Variants in SPDEF observed in about 807,000 individuals in gnomAD.
SPDEF encodes SAM pointed domain containing ETS transcription factor, also known as SAM pointed domain-containing Ets transcription factor.
Under a neutral mutation model 36.0 loss-of-function variants are expected in SPDEF, and 12 were observed. The ratio of observed to expected loss-of-function variants is 0.33; its 90% confidence interval spans 0.21 to 0.54. SPDEF has a LOEUF of 0.54. SPDEF is among the 20% of genes least tolerant of loss of function. The probability of loss-of-function intolerance (pLI) is 0.93; values close to 1 mark genes in which losing one functional copy is unlikely to be tolerated. For synonymous variants in SPDEF, 205 were observed against 193.0 expected, an observed-to-expected ratio of 1.06 and a Z score of -0.51; for missense variants, 388 against 456.9, an observed-to-expected ratio of 0.85 and a Z score of 1.37.
At chr6:34,541,291 G>T in intron 2 of SPDEF, 110 bp from the exon 3 acceptor site, 1 of 1,118,762 alleles carries the variant, frequency 8.9e-7, no homozygotes, top group Non-Finnish European at 1.3e-6. Flanking sequence ...TTGGGGATGG[G>T]GATAGGTCAG....
chr6:34,547,577 G>A (rs1260038267), intron 1 of SPDEF, among the ~76,000 whole-genome samples: 1 of 151,978 alleles, frequency 6.6e-6, no homozygotes, highest in East Asian at 1.9e-4. Flanking sequence ...ATGTTGCCCA[G>A]GCTGGTCTCG....
At position 34,544,537 on chromosome 6, in the gene SPDEF, G is replaced by A. The variant is rs1205034812; in HGVS notation, c.-29-53C>T. Reference sequence around the variant, plus strand: ...TGACTGCTTCTCCATCCCTGTGGGGGCCGCTAAGCTGGTTATGGGGATGAG... The same window carrying A: ...TGACTGCTTCTCCATCCCTGTGGGGACCGCTAAGCTGGTTATGGGGATGAG... On this transcript the variant is annotated intron_variant, in intron 1 of 5. Transcript: ENST00000374037. This position sits in a 1 kb window ranked among gnomAD's most constrained non-coding sequence, Gnocchi z 4.4. The A allele has an allele frequency of 3.6e-6, 5 of 1,385,254 alleles. No homozygotes were observed. Among genetic ancestry groups the A allele is most frequent in the Non-Finnish European group, 2.9e-6 (3 of 1,051,068 alleles). 85.8% of individuals were successfully genotyped at this position (1,385,254 alleles called of 1,614,324 possible). A position where few individuals can be genotyped will look rare whatever the true frequency, so the allele number is the denominator to read the frequency against.
chr6:34,544,287 C>T lies in SPDEF; in HGVS notation c.169G>A (p.Ala57Thr), dbSNP rs2233639. Residue 57 changes from alanine (A) to threonine (T), a missense_variant, in exon 2 of 6, where the codon GCC becomes ACC. Physicochemically the swap from Ala to Thr is moderately conservative, Grantham distance 58. Around this residue, in one of 2 missense-constraint regions of SPDEF, gnomAD observed 308 missense variants for 326.1 expected, o/e 0.94. Transcript: ENST00000374037. The surrounding 1 kb of genome is among the most constrained non-coding windows in gnomAD (Gnocchi z 4.4). ...ATGTCAAAGTAGGAGAGGTAGAAGG[C>T]GGACAGGCCCTGCTCGGGCGTGGCG... Reference protein sequence around the residue: ...PPATPEQGLSAFYLSYFDMLY... With the variant: ...PPATPEQGLSTFYLSYFDMLY... 0.026 allele frequency: 42,254 copies of T among 1,613,152 alleles called. 1,837 individuals carry two copies. Among genetic ancestry groups the T allele is most frequent in the African/African-American group, 0.16 (12,363 of 75,004 alleles).
rs1270455335 is a variant in SPDEF at position 34,538,392 on chromosome 6, C to T, written c.890G>A (p.Arg297His). The change falls in exon 6 of 6, where the codon CGT becomes CAT. Residue 297 changes from arginine to histidine, a missense_variant. Physicochemically the swap from Arg to His is conservative, Grantham distance 29. This residue lies in a region of SPDEF where 80 missense variants were observed against 130.8 expected (regional missense o/e 0.61). Coordinates refer to ENST00000374037, the MANE Select transcript of SPDEF (RefSeq NM_012391.3). The surrounding 1 kb of genome is among the most constrained non-coding windows in gnomAD (Gnocchi z 5.9). Reference sequence around the variant, plus strand: ...CAGCTTGTCGTAGTTCATGGCGGGACGGTTCTTGCGGATGCCCCACAGCCG... The same window carrying T: ...CAGCTTGTCGTAGTTCATGGCGGGATGGTTCTTGCGGATGCCCCACAGCCG... ...VARLWGIRKNRPAMNYDKLSR... is the reference protein window; with the variant it reads ...VARLWGIRKNHPAMNYDKLSR... 5 of 1,614,016 alleles carry T rather than the reference C, an allele frequency of 3.1e-6. No homozygotes were observed. The highest frequency in any genetic ancestry group is 1.7e-5 in the Admixed American group (1 of 60,022).
At position 34,555,639 on chromosome 6, in the gene SPDEF, TCCC is replaced by T. The variant is rs1245876615; in HGVS notation, c.-30+287_-30+289del. Among the ~76,000 whole-genome samples, 3 of 151,288 alleles carry T rather than the reference TCCC, an allele frequency of 2.0e-5. No homozygotes were observed. The highest frequency in any genetic ancestry group is 4.4e-5 in the Non-Finnish European group (3 of 67,786). On this transcript the variant is annotated intron_variant, in intron 1 of 5. Transcript: ENST00000374037. The surrounding 1 kb of genome is among the most constrained non-coding windows in gnomAD (Gnocchi z 5.2). ...GGGGCTCTGCATCTGCACGGCGGCC[TCCC>T]CTCAGGCTGGGCAGACTGGGCTCAG...
rs1768143383 is a variant in SPDEF at position 34,555,185 on chromosome 6, C to T, written c.-30+744G>A. The stretch of plus-strand genomic sequence containing the variant: ...GGGGCACCCAGTCGCCCAGGCCCTT[C>T]AGCTTCCCACCCTGTCATCCCACCA... On this transcript the variant is annotated intron_variant, in intron 1 of 5. Transcript: ENST00000374037. This position sits in a 1 kb window ranked among gnomAD's most constrained non-coding sequence, Gnocchi z 5.2. 6.8e-6 allele frequency among the ~76,000 whole-genome samples: 1 copy of T among 147,208 alleles called. No homozygotes were observed. The highest frequency in any genetic ancestry group is 2.6e-5 in the African/African-American group (1 of 38,056).
intron 1 of SPDEF, among the ~76,000 whole-genome samples, chr6:34,547,864 C>T (rs983712301): frequency 1.3e-5 from 2 of 152,182 alleles, no homozygotes; most frequent in African/African-American, 4.8e-5. Flanking sequence ...CAACACTTCC[C>T]TGATGAAAAA....
chr6:34,537,901 G>T lies in SPDEF; in HGVS notation c.*373C>A. On this transcript the variant is annotated 3_prime_UTR_variant, in exon 6 of 6. Coordinates refer to ENST00000374037, the MANE Select transcript of SPDEF (RefSeq NM_012391.3). Reference sequence around the variant, plus strand: ...CCTGCACCATGCCAGGTGTGGTGCAGAATGGGAGGCAGGGGGATGGAGCAG... The same window carrying T: ...CCTGCACCATGCCAGGTGTGGTGCATAATGGGAGGCAGGGGGATGGAGCAG... 1 of 208,422 alleles carries T rather than the reference G, an allele frequency of 4.8e-6. No homozygotes were observed. 12.9% of individuals were successfully genotyped at this position (208,422 alleles called of 1,614,324 possible). A position where few individuals can be genotyped will look rare whatever the true frequency, so the allele number is the denominator to read the frequency against.
At chr6:34,541,782 G>A (rs1235316573) in intron 2 of SPDEF, among the ~76,000 whole-genome samples, 1 of 152,242 alleles carries the variant, frequency 6.6e-6, no homozygotes, top group Non-Finnish European at 1.5e-5. Flanking sequence ...GTGGCCATGG[G>A]GCAGCCACAG....
In SPDEF at chr6:34,552,578, G is replaced by A. The variant is rs1323765855; in HGVS notation, c.-30+3351C>T. On this transcript the variant is annotated intron_variant, in intron 1 of 5. Coordinates refer to ENST00000374037, the MANE Select transcript of SPDEF (RefSeq NM_012391.3). This position sits in a 1 kb window ranked among gnomAD's most constrained non-coding sequence, Gnocchi z 4.6. ...GACCCAGCACAGGCCAGGGAAGGCA[G>A]AGGCCCTCCACACACCTGGTTGTTG... Among the ~76,000 whole-genome samples, 1 of 152,220 alleles carries A rather than the reference G, an allele frequency of 6.6e-6. No individual in the cohort carries two copies. The highest frequency in any genetic ancestry group is 6.5e-5 in the Admixed American group (1 of 15,290).
At chr6:34,541,407 G>C (rs1223010024) in intron 2 of SPDEF, among the ~76,000 whole-genome samples, 1 of 152,108 alleles carries the variant, frequency 6.6e-6, no homozygotes, top group African/African-American at 2.4e-5. Flanking sequence ...TTCAGGGCAG[G>C]GTAACCTGGT....
Position 34,544,103 on chromosome 6 carries a change from G to T in SPDEF, c.353C>A (p.Ser118Ter). 6.2e-7 allele frequency: 1 copy of T among 1,613,560 alleles called. No individual in the cohort carries two copies. The highest frequency in any genetic ancestry group is 1.3e-5 in the African/African-American group (1 of 75,042). ...VPGGLTLEEH[S>*]LEQVQSMVVG... ...CACCATGGACTGCACCTGCTCCAGC[G>T]AGTGCTCCTCCAAGGTCAGCCCGCC... is the stretch of plus-strand genomic sequence containing the variant. The change falls in exon 2 of 6, where the codon TCG (serine) becomes TAG (stop). Residue 118 changes from serine to a stop codon, truncating the protein, a stop_gained. Transcript: ENST00000374037. LOFTEE classifies it high-confidence loss of function. The surrounding 1 kb of genome is among the most constrained non-coding windows in gnomAD (Gnocchi z 4.4).
chr6:34,544,958 G>A lies in SPDEF; in HGVS notation c.-29-474C>T, dbSNP rs1223643276. On this transcript the variant is annotated intron_variant, in intron 1 of 5. Transcript: ENST00000374037. This position sits in a 1 kb window ranked among gnomAD's most constrained non-coding sequence, Gnocchi z 4.4. ...ATAGGAGTGGAAGTGGCAGGCAGAG[G>A]CCACCATCCTAAAGGTGGCTATCAT... 6.6e-6 allele frequency among the ~76,000 whole-genome samples: 1 copy of A among 152,186 alleles called. No individual in the cohort carries two copies. The highest frequency in any genetic ancestry group is 1.5e-5 in the Non-Finnish European group (1 of 68,008).
rs545840765 is a variant in SPDEF, at chr6:34,548,057, C to T, written c.-29-3573G>A. On this transcript the variant is annotated intron_variant, in intron 1 of 5. Coordinates refer to ENST00000374037, the MANE Select transcript of SPDEF (RefSeq NM_012391.3). Reference sequence around the variant, plus strand: ...AGGCGTCTCAAGGTTCTGGGCTGGCCTCAGGAGGGAAGAAGAGAGAACGGC... The same window carrying T: ...AGGCGTCTCAAGGTTCTGGGCTGGCTTCAGGAGGGAAGAAGAGAGAACGGC... 3.3e-5 allele frequency among the ~76,000 whole-genome samples: 5 copies of T among 152,292 alleles called. No individual in the cohort carries two copies. The East Asian group carries it at 5.8e-4, about 18-fold the overall frequency.
In SPDEF at chr6:34,539,189, A is replaced by G. The variant is rs1218692293; in HGVS notation, c.829+61T>C. 3.1e-6 allele frequency: 5 copies of G among 1,590,274 alleles called. No homozygotes were observed. The African/African-American group carries it at 6.7e-5, about 21-fold the overall frequency. On this transcript the variant is annotated intron_variant, in intron 5 of 5. Coordinates refer to ENST00000374037, the MANE Select transcript of SPDEF (RefSeq NM_012391.3). This position sits in a 1 kb window ranked among gnomAD's most constrained non-coding sequence, Gnocchi z 5.2. ...CCTGCCCCCATGCACCGTGCCTGGC[A>G]GAAGCCCCCACAACCTCCATGCTCA...
At chr6:34,547,411 T>C (rs991060970) in intron 1 of SPDEF, among the ~76,000 whole-genome samples, 1 of 152,154 alleles carries the variant, frequency 6.6e-6, no homozygotes, top group African/African-American at 2.4e-5. Flanking sequence ...GGTCTCGCTC[T>C]GTCGAGTGCA....
At chr6:34,550,826 G>T (rs373705734) in intron 1 of SPDEF, among the ~76,000 whole-genome samples, 3 of 152,148 alleles carry the variant, frequency 2.0e-5, no homozygotes, top group Non-Finnish European at 4.4e-5. Context: ...AAAGTGGAGC[G>T]CCAGGGGAAC....
At chr6:34,547,917 C>G (rs969161848) in intron 1 of SPDEF, among the ~76,000 whole-genome samples, 12 of 152,220 alleles carry the variant, frequency 7.9e-5, no homozygotes, top group African/African-American at 2.9e-4. Flanking sequence ...AGGTTCGACT[C>G]TCTGCAGATC....
intron 1 of SPDEF, among the ~76,000 whole-genome samples, chr6:34,551,134 A>G (rs1298274436): frequency 1.3e-5 from 2 of 151,964 alleles, no homozygotes; most frequent in South Asian, 4.2e-4. Flanking sequence ...ACTCGGCTCC[A>G]CCCTCCTTTC....
Sources: allele counts gnomAD v4.1 joint callset (sites outside exome capture counted in the v4.1 genomes callset), GRCh38; gene constraint gnomAD v4.1.1; regional missense constraint gnomAD v4.1.1; non-coding constraint Gnocchi (gnomAD v3.1); transcripts MANE v1.5; gene names NCBI Gene and HGNC (gene_info 2026-07-23, HGNC 2026-07-21).